ARHGAP26: variants seen among roughly 807,000 people sequenced by gnomAD.
The protein encoded by ARHGAP26 is rho GTPase-activating protein 26.
A neutral mutation model predicts 104.8 loss-of-function variants in ARHGAP26; 38 were observed. The ratio of observed to expected loss-of-function variants is 0.36; its 90% CI spans 0.28 to 0.48. The LOEUF (loss-of-function observed/expected upper bound fraction) is 0.48. Among genes scored for constraint, ARHGAP26 ranks in the 20% least tolerant of loss-of-function variants. The pLI is 0.99. For synonymous variants in ARHGAP26, 341 were observed against 340.0 expected (o/e 1.00, Z -0.03); for missense variants, 704 against 947.9 (o/e 0.74, Z 3.38).
At chr5:142,889,014 C>T (rs1758109527) in intron 5 of ARHGAP26, among the ~76,000 whole-genome samples, 1 of 152,088 alleles carries the variant, frequency 6.6e-6, no homozygotes, top group South Asian at 2.1e-4. Context: ...TTGCAGGGGG[C>T]CCAAGGATGT....
In ARHGAP26 at chr5:142,913,581, G is replaced by C. The variant is rs553306573; in HGVS notation, c.1028+288G>C. Reference sequence around the variant, plus strand: ...TTTACTTTAATATTAGTGCTTTCATGCTCAGAAATGTGTGTTATATCTCCA... The same window carrying C: ...TTTACTTTAATATTAGTGCTTTCATCCTCAGAAATGTGTGTTATATCTCCA... On this transcript the variant is annotated intron_variant, in intron 10 of 22. Transcript: ENST00000645722. Among the ~76,000 whole-genome samples the C allele has an allele frequency of 1.6e-4, 24 of 152,274 alleles. No homozygotes were observed. In the South Asian group the frequency reaches 4.8e-3, roughly 30 times the overall value.
At chr5:142,939,984 C>T (rs545333270) in intron 11 of ARHGAP26, among the ~76,000 whole-genome samples, 47 of 152,320 alleles carry the variant, frequency 3.1e-4, no homozygotes, top group Admixed American at 5.9e-4. Flanking sequence ...TCACCTTGTT[C>T]CAGTTCACCA....
intron 13 of ARHGAP26, among the ~76,000 whole-genome samples, chr5:143,038,796 A>G (rs541934951): frequency 7.3e-6 from 1 of 137,052 alleles, no homozygotes; most frequent in East Asian, 2.3e-4. Context: ...CCCTGGTTCA[A>G]GGGATTCTTC....
At chr5:143,030,058 T>C (rs1781637540) in intron 12 of ARHGAP26, among the ~76,000 whole-genome samples, 1 of 152,196 alleles carries the variant, frequency 6.6e-6, no homozygotes. Context: ...AGTCAACTTA[T>C]AGTATGGAAA....
chr5:143,023,072 A>C (rs970016845), intron 12 of ARHGAP26, among the ~76,000 whole-genome samples: 15 of 152,056 alleles, frequency 9.9e-5, no homozygotes, highest in African/African-American at 3.6e-4. Context: ...CACGCATTTC[A>C]CTGACTGGCT....
chr5:142,935,584 T>C (rs1317490136), intron 11 of ARHGAP26, among the ~76,000 whole-genome samples: 1 of 152,246 alleles, frequency 6.6e-6, no homozygotes, highest in Non-Finnish European at 1.5e-5. Flanking sequence ...AGCTTTTATG[T>C]AATCATTCCA....
Position 143,070,998 on chromosome 5 carries a change from C to T in ARHGAP26, c.1538+13251C>T, listed in dbSNP as rs144678476. Among the ~76,000 whole-genome samples, 36 of 152,252 alleles carry T rather than the reference C, an allele frequency of 2.4e-4. No homozygotes were observed. In the East Asian group the frequency reaches 6.5e-3, roughly 28 times the overall value. On this transcript the variant is annotated intron_variant, in intron 17 of 22. Coordinates refer to ENST00000645722, the MANE Select transcript of ARHGAP26 (RefSeq NM_001135608.3). Reference sequence around the variant, plus strand: ...AAACTTATATGGGACCACAAAAGACCGTGAATAGCAAAAGCAGTCCTAAGA... The same window carrying T: ...AAACTTATATGGGACCACAAAAGACTGTGAATAGCAAAAGCAGTCCTAAGA...
chr5:142,786,884 AT>A (rs1758771277), intron 1 of ARHGAP26, among the ~76,000 whole-genome samples: 1 of 152,004 alleles, frequency 6.6e-6, no homozygotes, highest in Non-Finnish European at 1.5e-5. Flanking sequence ...TGACCTCGTG[AT>A]CTGCCCGCCT....
chr5:143,156,595 C>T (rs143850911), intron 20 of ARHGAP26, among the ~76,000 whole-genome samples: 211 of 152,310 alleles, frequency 1.4e-3, no homozygotes, highest in Non-Finnish European at 2.5e-3. Flanking sequence ...GATACATGCT[C>T]AAGTCTGAGA....
chr5:143,219,516 C>G (rs1810859738), intron 22 of ARHGAP26, among the ~76,000 whole-genome samples: 1 of 152,130 alleles, frequency 6.6e-6, no homozygotes, highest in Admixed American at 6.5e-5. Context: ...GTGGAATGTA[C>G]TATGAGCATT....
rs1562651271 is a variant in ARHGAP26, at chr5:143,227,000, T to C, written c.*4554T>C. 2 of 228,324 alleles carry C rather than the reference T, an allele frequency of 8.8e-6. No individual in the cohort carries two copies. The highest frequency in any genetic ancestry group is 1.2e-4 in the East Asian group (2 of 16,022). 14.1% of individuals were successfully genotyped at this position (228,324 alleles called of 1,614,324 possible). ...GTCTCAGTAAAAGCTCTGTCTTGAC[T>C]GCAGAGGCTCCAAAAGCATTCACAG... is the stretch of plus-strand genomic sequence containing the variant. On this transcript the variant is annotated 3_prime_UTR_variant, in exon 23 of 23. Transcript: ENST00000645722.
intron 11 of ARHGAP26, among the ~76,000 whole-genome samples, chr5:143,003,049 A>G (rs1300448449): frequency 6.6e-6 from 1 of 152,232 alleles, no homozygotes; most frequent in Non-Finnish European, 1.5e-5. Flanking sequence ...AATTATAACT[A>G]TGGCAACAGT....
chr5:143,106,599 A>G lies in ARHGAP26; in HGVS notation c.1539-14389A>G, dbSNP rs187774537. ...GCGATTCTCCTGCCTCAGCCTCCCGAGTAGCTGGGACTACAGGCACGTGGC... is the reference window on the plus strand; with the variant it reads ...GCGATTCTCCTGCCTCAGCCTCCCGGGTAGCTGGGACTACAGGCACGTGGC... On this transcript the variant is annotated intron_variant, in intron 17 of 22. Transcript: ENST00000645722. 5.9e-4 allele frequency among the ~76,000 whole-genome samples: 88 copies of G among 149,106 alleles called. 1 individual carries two copies. The highest frequency in any genetic ancestry group is 2.0e-3 in the African/African-American group (80 of 40,552).
chr5:143,156,741 G>A (rs1800507624), intron 20 of ARHGAP26, among the ~76,000 whole-genome samples: 1 of 152,218 alleles, frequency 6.6e-6, no homozygotes, highest in African/African-American at 2.4e-5. Context: ...GTGCAGTGAT[G>A]ACAGTACTGG....
intron 11 of ARHGAP26, among the ~76,000 whole-genome samples, chr5:142,998,044 C>T (rs115030773): frequency 6.6e-6 from 1 of 152,246 alleles, no homozygotes; most frequent in African/African-American, 2.4e-5. Flanking sequence ...CAGAAGCTTG[C>T]AGGAACCTAA....
intron 1 of ARHGAP26, among the ~76,000 whole-genome samples, chr5:142,777,022 A>T (rs115698250): frequency 2.0e-3 from 309 of 152,266 alleles, no homozygotes; most frequent in South Asian, 5.4e-3. Flanking sequence ...ACCAATGAGG[A>T]TGAGCACCTT....
At chr5:142,864,023 T>A (rs1753821176) in intron 1 of ARHGAP26, among the ~76,000 whole-genome samples, 1 of 151,962 alleles carries the variant, frequency 6.6e-6, no homozygotes, top group South Asian at 2.1e-4. Context: ...TCTATCTCCC[T>A]CTATCTCCAC....
At chr5:142,970,652 T>G (rs1199329322) in intron 11 of ARHGAP26, among the ~76,000 whole-genome samples, 2 of 152,102 alleles carry the variant, frequency 1.3e-5, no homozygotes, top group Admixed American at 6.5e-5. Flanking sequence ...TTGGCCAGGG[T>G]GTAACAGACA....
chr5:143,133,784 A>G (rs1797624147), intron 18 of ARHGAP26, among the ~76,000 whole-genome samples, 183 bp from the exon 19 acceptor site: 1 of 152,222 alleles, frequency 6.6e-6, no homozygotes, highest in South Asian at 2.1e-4. Context: ...CTTCCAAACA[A>G]GAATGTTTAA....
Sources: allele counts gnomAD v4.1 joint callset (sites outside exome capture counted in the v4.1 genomes callset), GRCh38; gene constraint gnomAD v4.1.1; transcripts MANE v1.5; gene names NCBI Gene and HGNC (gene_info 2026-07-23, HGNC 2026-07-21).